The following CFAP46 variants were observed in gnomAD, a reference collection of about 807,000 sequenced individuals.
The protein encoded by CFAP46 is cilia and flagella associated protein 46, also known as cilia- and flagella-associated protein 46.
A neutral mutation model predicts 325.7 loss-of-function variants in CFAP46; 245 were observed. The ratio of observed to expected loss-of-function variants is 0.75; its 90% confidence interval spans 0.68 to 0.84. The LOEUF is 0.84. CFAP46 is among the 40% of genes least tolerant of loss of function. The pLI is 0.00. For missense variants in CFAP46, 3,346 were observed against 3,543.0 expected (o/e 0.94, Z 1.41); for synonymous variants, 1,523 against 1,495.9 (o/e 1.02, Z -0.42).
intron 28 of CFAP46, among the ~76,000 whole-genome samples, chr10:132,880,569 G>A (rs1047626883): frequency 5.3e-5 from 8 of 152,226 alleles, no homozygotes; most frequent in South Asian, 4.1e-4. Context: ...CATGCCTTCC[G>A]CCTGACCTGG....
At chr10:132,811,799 C>T (rs970488558) in intron 55 of CFAP46, among the ~76,000 whole-genome samples, 1 of 152,236 alleles carries the variant, frequency 6.6e-6, no homozygotes. Flanking sequence ...GGCCAAGGCC[C>T]AGGCTTGCAG....
intron 31 of CFAP46, 144 bp from the exon 32 acceptor site, chr10:132,872,968 G>T: frequency 1.1e-6 from 1 of 880,448 alleles, no homozygotes; most frequent in Non-Finnish European, 1.7e-6. Flanking sequence ...TCCGCACACA[G>T]CAGGTGCTCA....
At chr10:132,809,713 C>T (rs1847539988) in intron 57 of CFAP46, among the ~76,000 whole-genome samples, 1 of 152,096 alleles carries the variant, frequency 6.6e-6, no homozygotes, top group South Asian at 2.1e-4. Context: ...CTTTCTGGCT[C>T]CTCCCGCCTC....
chr10:132,814,127 G>A (rs776007559), intron 54 of CFAP46, 25 bp downstream of exon 54: 93 of 1,598,470 alleles, frequency 5.8e-5, no homozygotes, highest in East Asian at 3.1e-4. Flanking sequence ...CACTGCAAAC[G>A]GCTCCTGGGA....
intron 10 of CFAP46, among the ~76,000 whole-genome samples, chr10:132,925,973 C>T (rs925778401): frequency 6.6e-6 from 1 of 152,206 alleles, no homozygotes; most frequent in African/African-American, 2.4e-5. Context: ...ATCAGGGCTG[C>T]AGGCCACCAT....
At chr10:132,837,142 ATT>A in intron 44 of CFAP46, 1 of 504,868 alleles carries the variant, frequency 2.0e-6, no homozygotes. Flanking sequence ...CCAAAATGTC[ATT>A]TCTCTCCGGT....
intron 22 of CFAP46, among the ~76,000 whole-genome samples, chr10:132,902,750 T>C (rs576133309): frequency 6.6e-6 from 1 of 152,340 alleles, no homozygotes; most frequent in South Asian, 2.1e-4. Context: ...AAAGTGTGGA[T>C]TGTGTCCACT....
chr10:132,942,365 T>C (rs1850119889), intron 1 of CFAP46, 71 bp downstream of exon 1: 1 of 1,312,706 alleles, frequency 7.6e-7, no homozygotes, highest in South Asian at 1.9e-5. Flanking sequence ...GTCCGGGGCC[T>C]CCCCGGGGCG....
chr10:132,913,529 C>T (rs780790393), intron 17 of CFAP46, among the ~76,000 whole-genome samples: 5 of 152,214 alleles, frequency 3.3e-5, no homozygotes, highest in Admixed American at 6.5e-5. Flanking sequence ...ATCTAGGCCG[C>T]GTGCTCCTTG....
At chr10:132,824,722 G>GC (rs1848000696) in intron 50 of CFAP46, among the ~76,000 whole-genome samples, 1 of 83,122 alleles carries the variant, frequency 1.2e-5, no homozygotes, top group Non-Finnish European at 2.3e-5. Flanking sequence ...TGTGTGTACT[G>GC]ATGTGTGCTG....
In CFAP46 at chr10:132,817,968, G is replaced by C. The variant is rs962271188; in HGVS notation, c.7118-3054C>G. On this transcript the variant is annotated intron_variant, in intron 50 of 57. Transcript: ENST00000368586. This position sits in a 1 kb window ranked among gnomAD's most constrained non-coding sequence, Gnocchi z 4.4. ...TCACCGTCGGCAGCGCAGCCCCCAG[G>C]CTCCTTCTCCTGCTTCTCTTGTGTG... Among the ~76,000 whole-genome samples, 3 of 152,192 alleles carry C rather than the reference G, an allele frequency of 2.0e-5. No individual in the cohort carries two copies. The highest frequency in any genetic ancestry group is 4.8e-5 in the African/African-American group (2 of 41,458).
chr10:132,940,214 G>A (rs1220917954), intron 4 of CFAP46, among the ~76,000 whole-genome samples: 2 of 152,166 alleles, frequency 1.3e-5, no homozygotes, highest in African/African-American at 2.4e-5. Flanking sequence ...CAAGCAGGCC[G>A]ATGTGGGTAG....
Position 132,872,794 on chromosome 10 carries a change from C to T in CFAP46, c.4393G>A (p.Val1465Ile). ...TYSLYFLDHL[V>I]KALQKMCLHE... ...AGGCACATCTTCTGCAGGGCCTTGA[C>T]CAGGTGGTCCAGGAAATACAAACTG... is the stretch of plus-strand genomic sequence containing the variant. Residue 1465 changes from valine (V) to isoleucine (I), a missense_variant, in exon 32 of 58, where the codon GTC (valine) becomes ATC (isoleucine). By Grantham distance (29) the Val-to-Ile change is conservative. Transcript: ENST00000368586. The T allele has an allele frequency of 3.9e-6, 6 of 1,551,110 alleles. 1 individual carries two copies. Among genetic ancestry groups the T allele is most frequent in the Middle Eastern group, 3.3e-4 (2 of 5,996 alleles).
intron 8 of CFAP46, among the ~76,000 whole-genome samples, chr10:132,934,265 C>A (rs1177420307): frequency 6.7e-6 from 1 of 149,186 alleles, no homozygotes; most frequent in Non-Finnish European, 1.5e-5. Flanking sequence ...CCCCCACCCA[C>A]CCCGTGCCCA....
At chr10:132,893,077 C>T (rs911927669) in intron 24 of CFAP46, among the ~76,000 whole-genome samples, 2 of 152,210 alleles carry the variant, frequency 1.3e-5, no homozygotes, top group Admixed American at 1.3e-4. Flanking sequence ...GTTGGGTGAG[C>T]GGGCTCAAGC....
In CFAP46 at chr10:132,859,321, CTGTTCTCCCCGG is replaced by C. The variant is rs1195222905; in HGVS notation, c.5199-86_5199-75del. 30 of 1,332,496 alleles carry C rather than the reference CTGTTCTCCCCGG, an allele frequency of 2.3e-5. No individual in the cohort carries two copies. In the East Asian group the frequency reaches 7.1e-4, roughly 32 times the overall value. The allele number at this position is 1,332,496 out of a possible 1,614,324, so 82.5% of individuals were successfully genotyped here. A position where few individuals can be genotyped will look rare whatever the true frequency, so the allele number is the denominator to read the frequency against. On this transcript the variant is annotated intron_variant, in intron 37 of 57. Coordinates refer to ENST00000368586, the MANE Select transcript of CFAP46 (RefSeq NM_001200049.3). ...GTCAGGGCTTGCGGCTGGGCTGCCG[CTGTTCTCCCCGG>C]TGTTCATCCAGGGATGCTCGGAGAA...
intron 8 of CFAP46, among the ~76,000 whole-genome samples, chr10:132,933,887 A>G (rs1264698622): frequency 2.0e-5 from 3 of 152,234 alleles, no homozygotes; most frequent in Non-Finnish European, 4.4e-5. Context: ...ACCCCAGACC[A>G]GTCAACACTG....
chr10:132,871,903 T>G (rs1848899525), intron 32 of CFAP46, among the ~76,000 whole-genome samples: 1 of 152,276 alleles, frequency 6.6e-6, no homozygotes, highest in African/African-American at 2.4e-5. Context: ...CATCATTGCA[T>G]GCTACAGAGA....
At chr10:132,823,475 CTGA>C (rs1847939360) in intron 50 of CFAP46, among the ~76,000 whole-genome samples, 2 of 111,400 alleles carry the variant, frequency 1.8e-5, no homozygotes, top group African/African-American at 7.3e-5. Context: ...TGTGTGAGTG[CTGA>C]TGTGTGCTGT....
Sources: gnomAD v4.1 joint callset for allele counts (sites outside exome capture counted in the v4.1 genomes callset) on GRCh38, gnomAD v4.1.1 for gene constraint, Gnocchi (gnomAD v3.1) non-coding constraint, MANE v1.5 for transcripts, NCBI Gene and HGNC (gene_info 2026-07-23, HGNC 2026-07-21) for gene names.